The following TMEM231 variants were observed in gnomAD, a reference collection of about 807,000 sequenced individuals.
The protein encoded by TMEM231 is transmembrane protein 231.
A neutral mutation model predicts 38.5 loss-of-function variants in TMEM231; 40 were observed. The observed-to-expected ratio is 1.04, with a 90% CI of 0.81 to 1.35. TMEM231 has a LOEUF of 1.35. Among genes scored for constraint, TMEM231 ranks in the 40% most tolerant of loss-of-function variants. The pLI, the probability that TMEM231 is intolerant of heterozygous loss-of-function variation, is 0.00. For synonymous variants in TMEM231, 199 were observed against 181.7 expected (o/e 1.10, Z -0.77); for missense variants, 420 against 416.9 (o/e 1.01, Z -0.07).
intron 5 of TMEM231, 177 bp downstream of exon 5, chr16:75,542,425 A>C: frequency 1.6e-6 from 1 of 634,476 alleles, no homozygotes; most frequent in East Asian, 2.9e-5. Flanking sequence ...GGGCGGTCCC[A>C]GGTCTGAAGA....
At chr16:75,543,940 C>T (rs942613923) in intron 4 of TMEM231, among the ~76,000 whole-genome samples, 5 of 151,926 alleles carry the variant, frequency 3.3e-5, no homozygotes, top group African/African-American at 1.2e-4. Context: ...TTTTCATTTT[C>T]AGAAGTACCT....
Position 75,542,618 on chromosome 16 carries a change from G to A in TMEM231, c.648C>T (p.Ala216=). ...YDYDLTHIVA[A]YQERNVTTVL... is the part of the protein sequence containing the mutation. ...GTGACTCACCGTTCCTCTCCTGGTAGGCAGCAACAATATGGGTGAGGTCGT... is the reference window on the plus strand; with the variant it reads ...GTGACTCACCGTTCCTCTCCTGGTAAGCAGCAACAATATGGGTGAGGTCGT... Residue 216 remains alanine (A), a synonymous_variant, in exon 5 of 7, where the codon GCC becomes GCT. Transcript: ENST00000258173. 1.2e-6 allele frequency: 2 copies of A among 1,613,874 alleles called. No homozygotes were observed. Among genetic ancestry groups the A allele is most frequent in the Non-Finnish European group, 1.7e-6 (2 of 1,179,868 alleles).
intron 4 of TMEM231, among the ~76,000 whole-genome samples, chr16:75,544,770 C>G (rs1309366375): frequency 2.0e-5 from 3 of 152,056 alleles, no homozygotes; most frequent in Non-Finnish European, 2.9e-5. Flanking sequence ...CCACGTGGAC[C>G]TAAAAGCAAT....
At chr16:75,549,775 C>T (rs555557937) in intron 2 of TMEM231, among the ~76,000 whole-genome samples, 43 of 152,080 alleles carry the variant, frequency 2.8e-4, no homozygotes, top group African/African-American at 8.0e-4. Flanking sequence ...GTGGCACAAT[C>T]GCCACTCACC....
chr16:75,547,217 G>T (rs2151704203), intron 2 of TMEM231, among the ~76,000 whole-genome samples: 1 of 152,280 alleles, frequency 6.6e-6, no homozygotes, highest in African/African-American at 2.4e-5. Flanking sequence ...TTCCCATCTG[G>T]ATCCACCATC....
chr16:75,541,263 T>A, intron 6 of TMEM231, 87 bp downstream of exon 6: 2 of 831,424 alleles, frequency 2.4e-6, no homozygotes, highest in Non-Finnish European at 3.5e-6. Flanking sequence ...CAAATGATCC[T>A]CCCACCTTGG....
At chr16:75,543,116 G>A (rs1353150144) in intron 4 of TMEM231, among the ~76,000 whole-genome samples, 1 of 152,074 alleles carries the variant, frequency 6.6e-6, no homozygotes, top group Non-Finnish European at 1.5e-5. Context: ...AGGTGTGGTG[G>A]CTCATGCCTA....
chr16:75,552,434 C>G (rs754870584), intron 2 of TMEM231, among the ~76,000 whole-genome samples: 7 of 152,134 alleles, frequency 4.6e-5, no homozygotes, highest in Non-Finnish European at 1.0e-4. Context: ...GTCTGGGTGA[C>G]AGAGTGAGAC....
At chr16:75,542,829 G>A in intron 4 of TMEM231, 146 bp from the exon 5 acceptor site, 1 of 651,600 alleles carries the variant, frequency 1.5e-6, no homozygotes, top group Admixed American at 3.1e-5. Flanking sequence ...TTTCTTCAAA[G>A]ATGAATAAAA....
In TMEM231 at chr16:75,538,354, A is replaced by G. The variant is rs571479922; in HGVS notation, c.*1640T>C. 1 of 152,218 alleles carries G rather than the reference A, an allele frequency of 6.6e-6. No homozygotes were observed. Among genetic ancestry groups the G allele is most frequent in the Non-Finnish European group, 1.5e-5 (1 of 68,046 alleles). The allele number at this position is 152,218 out of a possible 1,614,324, so 9.4% of individuals were successfully genotyped here. On this transcript the variant is annotated 3_prime_UTR_variant, in exon 7 of 7. Coordinates refer to ENST00000258173, the MANE Select transcript of TMEM231 (RefSeq NM_001077418.3). ...AGTTACAAAACATCATGGGTTCTTT[A>G]TACAAGATTTGCATTAGAATAATTT... is the stretch of plus-strand genomic sequence containing the variant.
intron 3 of TMEM231, 79 bp downstream of exon 3, chr16:75,545,747 C>A: frequency 1.5e-6 from 1 of 670,324 alleles, no homozygotes; most frequent in Non-Finnish European, 2.3e-6. Context: ...GAGTGCGGGT[C>A]TTCTAGAAAT....
rs2080804637 is a variant in TMEM231 at position 75,555,883 on chromosome 16, C to T, written c.230G>A (p.Ser77Asn). The part of the protein sequence containing the change: ...VLLVALLGPE[S>N]DGFLAWSTFP... ...CGTGCTCCAGGCGAGGAACCCGTCG[C>T]TTTCGGGTCCGAGCAGGGCCACGAG... Residue 77 changes from serine to asparagine, a missense_variant, in exon 2 of 7, where the codon AGC (serine) becomes AAC (asparagine). Coordinates refer to ENST00000258173, the MANE Select transcript of TMEM231 (RefSeq NM_001077418.3). 1.3e-6 allele frequency: 2 copies of T among 1,594,660 alleles called. No homozygotes were observed. Among genetic ancestry groups the T allele is most frequent in the African/African-American group, 1.3e-5 (1 of 74,412 alleles).
Position 75,540,031 on chromosome 16 carries a change from G to T in TMEM231, c.914C>A (p.Thr305Lys). 1 of 1,613,252 alleles carries T rather than the reference G, an allele frequency of 6.2e-7. No homozygotes were observed. The highest frequency in any genetic ancestry group is 8.5e-7 in the Non-Finnish European group (1 of 1,179,580). Residue 305 changes from threonine to lysine, a missense_variant, in exon 7 of 7, where the codon ACG becomes AAG. By Grantham distance (78) the Thr-to-Lys change is moderately conservative. Transcript: ENST00000258173. ...QVVTTIPVTVTPRGDLCKEHL... is the reference protein window; with the variant it reads ...QVVTTIPVTVKPRGDLCKEHL... Reference sequence around the variant, plus strand: ...CTCCTTACACAAGTCTCCCCGGGGCGTCACTGTCACAGGAATGGTGGTCAC... The same window carrying T: ...CTCCTTACACAAGTCTCCCCGGGGCTTCACTGTCACAGGAATGGTGGTCAC...
At chr16:75,556,268 C>T (rs1017051455), upstream of TMEM231, 11 of 1,390,704 alleles carry the variant, frequency 7.9e-6, no homozygotes, top group Non-Finnish European at 9.3e-6. Flanking sequence ...CTCCTGGTTG[C>T]CATCGCCTCG....
chr16:75,549,743 C>G (rs2080735244), intron 2 of TMEM231, among the ~76,000 whole-genome samples: 1 of 151,996 alleles, frequency 6.6e-6, no homozygotes, highest in Admixed American at 6.6e-5. Context: ...AAGTCTTACT[C>G]TGTTGCCCAG....
At chr16:75,545,253 C>T (rs2080673482) in intron 4 of TMEM231, 99 bp downstream of exon 4, 6 of 1,504,418 alleles carry the variant, frequency 4.0e-6, no homozygotes, top group East Asian at 2.3e-5. Flanking sequence ...AGCCACTGCG[C>T]CTGGCCTGAC....
intron 2 of TMEM231, among the ~76,000 whole-genome samples, chr16:75,553,425 C>T (rs1282000366): frequency 6.6e-6 from 1 of 151,948 alleles, no homozygotes; most frequent in Non-Finnish European, 1.5e-5. Flanking sequence ...TCTAGACCAG[C>T]CTGGCCAACA....
chr16:75,549,682 G>A (rs1019924876), intron 2 of TMEM231, among the ~76,000 whole-genome samples: 1 of 151,944 alleles, frequency 6.6e-6, no homozygotes, highest in Non-Finnish European at 1.5e-5. Context: ...AAATCCACAC[G>A]CATGTACTGA....
intron 2 of TMEM231, among the ~76,000 whole-genome samples, chr16:75,548,904 G>T (rs898572746): frequency 3.3e-5 from 5 of 152,158 alleles, no homozygotes; most frequent in Non-Finnish European, 4.4e-5. Context: ...GAATTTAACA[G>T]AAATTTTTAA....
Sources: gnomAD v4.1 joint callset for allele counts (sites outside exome capture counted in the v4.1 genomes callset) on GRCh38, gnomAD v4.1.1 for gene constraint, MANE v1.5 for transcripts, NCBI Gene and HGNC (gene_info 2026-07-23, HGNC 2026-07-21) for gene names.